The following ECSIT variants were observed in gnomAD, a reference collection of about 807,000 sequenced individuals.
The protein encoded by ECSIT is ECSIT signaling integrator.
A neutral mutation model predicts 36.8 loss-of-function variants in ECSIT; 29 were observed. The observed-to-expected ratio is 0.79, with a 90% CI of 0.59 to 1.08. ECSIT has a LOEUF of 1.08. Among genes scored for constraint, ECSIT ranks in the 50% least tolerant of loss-of-function variants. The probability of loss-of-function intolerance (pLI) is 0.00; values close to 1 mark genes in which losing one functional copy is unlikely to be tolerated. For synonymous variants in ECSIT, 231 were observed against 234.8 expected (o/e 0.98, Z 0.15); for missense variants, 542 against 581.0 (o/e 0.93, Z 0.69).
chr19:11,512,030 CA>C (rs367895124), intron 4 of ECSIT, among the ~76,000 whole-genome samples: 5 of 139,976 alleles, frequency 3.6e-5, no homozygotes, highest in South Asian at 2.3e-4. Context: ...GACTCCATCT[CA>C]AAAAAAAAAC....
At chr19:11,507,403 A>C (rs1425099465) in intron 7 of ECSIT, 54 bp downstream of exon 7, 1 of 1,433,564 alleles carries the variant, frequency 7.0e-7, no homozygotes, top group East Asian at 2.3e-5. Context: ...AGCCTGTAGG[A>C]GGGCTGGGAT....
intron 2 of ECSIT, among the ~76,000 whole-genome samples, chr19:11,516,684 T>TACACACACACAC (rs142103677): frequency 6.7e-6 from 1 of 148,246 alleles, no homozygotes; most frequent in East Asian, 2.0e-4. Context: ...TGTGTTTATC[T>TACACACACACAC]ACACACACAC....
rs538994786 is a variant in ECSIT, at chr19:11,519,858, A to T, written c.-23-665T>A. 8.5e-5 allele frequency: 13 copies of T among 152,278 alleles called. No homozygotes were observed. The highest frequency in any genetic ancestry group is 2.9e-4 in the African/African-American group (12 of 41,480). The allele number at this position is 152,278 out of a possible 1,614,324, so 9.4% of individuals were successfully genotyped here. ...GTGGCGCACGCCTGTAATTCCAGCT[A>T]CTGGGAAGGCTGACGTAGGAGAATT... On this transcript the variant is annotated intron_variant, in intron 1 of 7. Transcript: ENST00000270517. The surrounding 1 kb of genome is among the most constrained non-coding windows in gnomAD (Gnocchi z 4.4).
chr19:11,520,020 A>G (rs1972070614), intron 1 of ECSIT: 1 of 150,862 alleles, frequency 6.6e-6, no homozygotes, highest in South Asian at 2.1e-4. Context: ...CCCTGTACCC[A>G]TTAGCACTCA....
chr19:11,514,024 C>G lies in ECSIT; in HGVS notation c.294G>C (p.Glu98Asp). ...SFLQTVQKFA[E>D]HSVRKRGHID... ...TGTGGCCCCGCTTACGCACGCTGTG[C>G]TCCGCAAATTTCTGCACCGTCTGCA... The change falls in exon 3 of 8, where the codon GAG (glutamate) becomes GAC (aspartate). Residue 98 changes from glutamate to aspartate, a missense_variant. By Grantham distance (45) the Glu-to-Asp change is conservative. Transcript: ENST00000270517. 3.1e-6 allele frequency: 5 copies of G among 1,614,244 alleles called. No homozygotes were observed. Among genetic ancestry groups the G allele is most frequent in the Non-Finnish European group, 4.2e-6 (5 of 1,180,052 alleles).
intron 4 of ECSIT, among the ~76,000 whole-genome samples, chr19:11,511,503 A>G (rs1300450754): frequency 6.6e-6 from 1 of 152,198 alleles, no homozygotes; most frequent in Non-Finnish European, 1.5e-5. Context: ...GGCAGAAGGA[A>G]CAGAGAACGC....
At chr19:11,524,479 G>C (rs937652898) in intron 1 of ECSIT, among the ~76,000 whole-genome samples, 1 of 151,558 alleles carries the variant, frequency 6.6e-6, no homozygotes, top group Admixed American at 6.6e-5. Context: ...CCGAGATTGC[G>C]CCACACTGCA....
chr19:11,512,910 T>A, intron 4 of ECSIT, 146 bp downstream of exon 4: 1 of 822,586 alleles, frequency 1.2e-6, no homozygotes, highest in African/African-American at 1.7e-5. Context: ...GCCACCACAC[T>A]CCAGCCTGGG....
At chr19:11,526,144 T>C (rs1017971729) in intron 1 of ECSIT, among the ~76,000 whole-genome samples, 8 of 152,010 alleles carry the variant, frequency 5.3e-5, no homozygotes, top group African/African-American at 1.9e-4. Context: ...TTTGCGTTCT[T>C]AGTACAGACA....
intron 7 of ECSIT, among the ~76,000 whole-genome samples, chr19:11,506,700 A>G (rs924248704): frequency 2.0e-5 from 3 of 151,948 alleles, no homozygotes; most frequent in Non-Finnish European, 4.4e-5. Context: ...ACGCCGGGCT[A>G]ATTTTTAAAT....
intron 4 of ECSIT, among the ~76,000 whole-genome samples, chr19:11,511,924 T>C (rs1971879161): frequency 6.6e-6 from 1 of 151,738 alleles, no homozygotes; most frequent in Non-Finnish European, 1.5e-5. Flanking sequence ...TCCCAGCTAC[T>C]TGGGAGGCTG....
At chr19:11,526,753 T>C (rs1972223498) in intron 1 of ECSIT, among the ~76,000 whole-genome samples, 2 of 137,200 alleles carry the variant, frequency 1.5e-5, no homozygotes, top group African/African-American at 2.8e-5. Context: ...AGAGTCTCAC[T>C]CTGTTCCCCA....
At position 11,515,040 on chromosome 19, in the gene ECSIT, T is replaced by C. The variant is rs112592666; in HGVS notation, c.97-819A>G. Among the ~76,000 whole-genome samples, 1,399 of 151,250 alleles carry C rather than the reference T, an allele frequency of 9.2e-3. 27 individuals are homozygous for C. Among genetic ancestry groups the C allele is most frequent in the African/African-American group, 0.033 (1,347 of 41,152 alleles). On this transcript the variant is annotated intron_variant, in intron 2 of 7. Coordinates refer to ENST00000270517, the MANE Select transcript of ECSIT (RefSeq NM_016581.5). ...TTTTAGTAAAGATGGGGTTTCATCATGTTGGCCAGGCTGGTCTCAAACTCC... is the reference window on the plus strand; with the variant it reads ...TTTTAGTAAAGATGGGGTTTCATCACGTTGGCCAGGCTGGTCTCAAACTCC...
rs763177733 is a variant in ECSIT, at chr19:11,506,338, T to C, written c.1142A>G (p.Asn381Ser). 9 of 1,613,356 alleles carry C rather than the reference T, an allele frequency of 5.6e-6. No individual in the cohort carries two copies. In the South Asian group the frequency reaches 8.8e-5, roughly 16 times the overall value. The change falls in exon 8 of 8, where the codon AAC becomes AGC. Residue 381 changes from asparagine (N) to serine (S), a missense_variant. By Grantham distance (46) the Asn-to-Ser change is conservative. Coordinates refer to ENST00000270517, the MANE Select transcript of ECSIT (RefSeq NM_016581.5). The stretch of plus-strand genomic sequence containing the variant: ...CACGGGGATCTGGGCCAGGGTTGGG[T>C]TGGTCTCCTGCAGGCCCTGGATCCA... ...AKWIQGLQET[N>S]PTLAQIPVVF...
At chr19:11,513,676 C>G (rs4804168) in intron 3 of ECSIT, 128 bp downstream of exon 3, 1,131,265 of 1,135,500 alleles carry the variant, frequency 1, 563,536 homozygotes, top group East Asian at 1. Context: ...AAGAGGGATT[C>G]GGAGAGGGAG....
Position 11,513,279 on chromosome 19 carries a change from C to G in ECSIT, c.515G>C (p.Gly172Ala). 6.2e-7 allele frequency: 1 copy of G among 1,613,850 alleles called. No individual in the cohort carries two copies. Among genetic ancestry groups the G allele is most frequent in the Non-Finnish European group, 8.5e-7 (1 of 1,179,924 alleles). ...IAVLEQMENH[G>A]VMPNKETEFL... ...CTCCGTCTCCTTGTTGGGCATCACA[C>G]CTGTGCTGGGCAGATGCAGGCAGAA... Residue 172 changes from glycine (G) to alanine (A), a missense_variant and splice_region_variant, in exon 4 of 8, where the codon GGT becomes GCT. Gly to Ala is a moderately conservative substitution (Grantham distance 60, BLOSUM62 0). Transcript: ENST00000270517.
In ECSIT at chr19:11,519,120, C is replaced by G; in HGVS notation, c.51G>C (p.Trp17Cys). 4 of 1,550,994 alleles carry G rather than the reference C, an allele frequency of 2.6e-6. No individual in the cohort carries two copies. The highest frequency in any genetic ancestry group is 3.5e-6 in the Non-Finnish European group (4 of 1,146,956). The change falls in exon 2 of 8, where the codon TGG becomes TGC. Residue 17 changes from tryptophan (W) to cysteine (C), a missense_variant. Trp to Cys is a radical substitution (Grantham distance 215). Coordinates refer to ENST00000270517, the MANE Select transcript of ECSIT (RefSeq NM_016581.5). The surrounding 1 kb of genome is among the most constrained non-coding windows in gnomAD (Gnocchi z 4.4). Reference protein sequence around the residue: ...TLLARGLCRAWGGTCGAALTG... With the variant: ...TLLARGLCRACGGTCGAALTG... ...TGAGGGCGGCCCCGCAGGTGCCTCC[C>G]CAGGCCCTACAGAGGCCTCGGGCCA...
Position 11,513,997 on chromosome 19 carries a change from A to G in ECSIT, c.321T>C (p.Ile107=). The change falls in exon 3 of 8, where the codon ATT becomes ATC. Residue 107 remains isoleucine (I), a synonymous_variant. Transcript: ENST00000270517. The part of the protein sequence containing the change: ...AEHSVRKRGH[I]DFIYLALRKM... ...TGCGCAGGGCCAGGTAGATGAAGTC[A>G]ATGTGGCCCCGCTTACGCACGCTGT... 6.2e-7 allele frequency: 1 copy of G among 1,614,238 alleles called. No individual in the cohort carries two copies. The highest frequency in any genetic ancestry group is 8.5e-7 in the Non-Finnish European group (1 of 1,180,046).
chr19:11,522,179 C>A, intron 1 of ECSIT: 1 of 482,338 alleles, frequency 2.1e-6, no homozygotes, highest in South Asian at 2.2e-5. Context: ...TCGAGAAGTA[C>A]CGCCTGCGGG....
Sources: allele counts gnomAD v4.1 joint callset (sites outside exome capture counted in the v4.1 genomes callset), GRCh38; gene constraint gnomAD v4.1.1; non-coding constraint Gnocchi (gnomAD v3.1); transcripts MANE v1.5; gene names NCBI Gene and HGNC (gene_info 2026-07-23, HGNC 2026-07-21).